Variants in PDE2A observed in about 807,000 individuals in gnomAD.
The protein encoded by PDE2A is phosphodiesterase 2A.
A neutral mutation model predicts 133.6 loss-of-function variants in PDE2A; 53 were observed. The ratio of observed to expected loss-of-function variants is 0.40; its 90% confidence interval spans 0.32 to 0.50. PDE2A has a LOEUF of 0.50. PDE2A is among the 20% of genes least tolerant of loss of function. The pLI is 0.73. For missense variants in PDE2A, 796 were observed against 1,232.4 expected, an observed-to-expected ratio of 0.65 and a Z score of 5.30; for synonymous variants, 491 against 490.2, an observed-to-expected ratio of 1.00 and a Z score of -0.02.
intron 2 of PDE2A, among the ~76,000 whole-genome samples, chr11:72,611,361 C>T (rs981185906): frequency 6.6e-6 from 1 of 152,142 alleles, no homozygotes; most frequent in Non-Finnish European, 1.5e-5. Context: ...TGTCTGGTTC[C>T]TGCTCAGCAC....
chr11:72,596,518 C>CACACACACA, intron 6 of PDE2A, 75 bp downstream of exon 6: 1 of 533,024 alleles, frequency 1.9e-6, no homozygotes, highest in Non-Finnish European at 3.0e-6. Context: ...ACACACACAC[C>CACACACACA]CTGGACAGGC....
At chr11:72,611,605 A>T (rs1857215418) in intron 2 of PDE2A, among the ~76,000 whole-genome samples, 1 of 152,142 alleles carries the variant, frequency 6.6e-6, no homozygotes, top group South Asian at 2.1e-4. Context: ...AGTTGGGGAG[A>T]GTTGGGGCAG....
At chr11:72,673,217 T>C (rs904562760) in intron 1 of PDE2A, among the ~76,000 whole-genome samples, 1 of 152,078 alleles carries the variant, frequency 6.6e-6, no homozygotes, top group African/African-American at 2.4e-5. Context: ...CTCAACCTAA[T>C]AGACACACCT....
At chr11:72,592,955 C>T (rs1329283131) in intron 6 of PDE2A, among the ~76,000 whole-genome samples, 3 of 152,094 alleles carry the variant, frequency 2.0e-5, no homozygotes, top group African/African-American at 7.3e-5. Flanking sequence ...TGGCATTTTA[C>T]TGTTAGCACA....
At chr11:72,582,833 CT>C (rs1855784223) in intron 20 of PDE2A, among the ~76,000 whole-genome samples, 1 of 152,142 alleles carries the variant, frequency 6.6e-6, no homozygotes, top group Non-Finnish European at 1.5e-5. Context: ...ATGACACCCC[CT>C]AACCATGGCA....
intron 1 of PDE2A, among the ~76,000 whole-genome samples, chr11:72,657,096 C>A (rs1195046579): frequency 6.6e-6 from 1 of 152,168 alleles, no homozygotes; most frequent in Non-Finnish European, 1.5e-5. Context: ...ACCTCCTCCC[C>A]ACTCATCAGG....
At chr11:72,586,009 C>T (rs1160954549) in intron 14 of PDE2A, 61 bp downstream of exon 14, 17 of 976,336 alleles carry the variant, frequency 1.7e-5, no homozygotes, top group Non-Finnish European at 2.3e-5. Flanking sequence ...TTCTGAATGG[C>T]TCTCGGGGCT....
In PDE2A at chr11:72,662,825, T is replaced by C. The variant is rs528130839; in HGVS notation, c.71+11312A>G. Among the ~76,000 whole-genome samples the C allele has an allele frequency of 2.0e-5, 3 of 152,264 alleles. No individual in the cohort carries two copies. The East Asian group carries it at 5.8e-4, about 29-fold the overall frequency. On this transcript the variant is annotated intron_variant, in intron 1 of 30. Transcript: ENST00000334456. The stretch of plus-strand genomic sequence containing the variant: ...CCCTACTTCACCCATCATTTGGAGC[T>C]TCCTAACCCCAAAGCTAACCATGGC...
chr11:72,582,360 C>G, intron 21 of PDE2A, 84 bp downstream of exon 21: 1 of 1,348,818 alleles, frequency 7.4e-7, no homozygotes, highest in Non-Finnish European at 1.0e-6. Flanking sequence ...TCTGTCTTCC[C>G]AGGAAGTTCT....
At chr11:72,662,036 A>G (rs1855080647) in intron 1 of PDE2A, among the ~76,000 whole-genome samples, 1 of 151,372 alleles carries the variant, frequency 6.6e-6, no homozygotes, top group African/African-American at 2.4e-5. Context: ...TCCTCTTTGT[A>G]TATTTATGTT....
At chr11:72,668,404 A>C in intron 1 of PDE2A, 1 of 718,530 alleles carries the variant, frequency 1.4e-6, no homozygotes. Flanking sequence ...GTGTGGAAAC[A>C]GTGCTCAGGA....
chr11:72,597,414 G>A lies in PDE2A; in HGVS notation c.433+96C>T. ...AGAGCAAGAGAAAGAAGGAGACAGA[G>A]ATGAAGAGGAATAGAAGACACACAT... is the stretch of plus-strand genomic sequence containing the variant. On this transcript the variant is annotated intron_variant, in intron 5 of 30. Transcript: ENST00000334456. The surrounding 1 kb of genome is among the most constrained non-coding windows in gnomAD (Gnocchi z 4.6). 1 of 686,988 alleles carries A rather than the reference G, an allele frequency of 1.5e-6. No homozygotes were observed. The allele number at this position is 686,988 out of a possible 1,614,324, so 42.6% of individuals were successfully genotyped here.
Position 72,591,288 on chromosome 11 carries a change from C to G in PDE2A, c.549+9G>C, listed in dbSNP as rs1856236817. 1 of 1,611,076 alleles carries G rather than the reference C, an allele frequency of 6.2e-7. No homozygotes were observed. Among genetic ancestry groups the G allele is most frequent in the Non-Finnish European group, 8.5e-7 (1 of 1,177,386 alleles). On this transcript the variant is annotated intron_variant, in intron 7 of 30. Transcript: ENST00000334456. ...CAGCCTCATTGCACATGGCCCCACTCCCACTCACATGCTTCTCCACCGCCT... is the reference window on the plus strand; with the variant it reads ...CAGCCTCATTGCACATGGCCCCACTGCCACTCACATGCTTCTCCACCGCCT...
In PDE2A at chr11:72,674,148, T is replaced by TCG; in HGVS notation, c.58_59dup (p.Pro21AspfsTer33). The TCG allele has an allele frequency of 6.2e-7, 1 of 1,613,266 alleles. No individual in the cohort carries two copies. The highest frequency in any genetic ancestry group is 8.5e-7 in the Non-Finnish European group (1 of 1,179,842). On this transcript the variant is annotated frameshift_variant, in exon 1 of 31. Coordinates refer to ENST00000334456, the MANE Select transcript of PDE2A (RefSeq NM_002599.5). LOFTEE classifies it high-confidence loss of function. The stretch of plus-strand genomic sequence containing the variant: ...CTCACTATACTCACGGCTCAGCCGG[T>TCG]CGCGCTGCCGGGTACTGCTGGCTCC...
intron 2 of PDE2A, among the ~76,000 whole-genome samples, chr11:72,632,180 G>A (rs903071350): frequency 2.0e-5 from 3 of 152,098 alleles, no homozygotes; most frequent in African/African-American, 4.8e-5. Context: ...CCCTCTTCTC[G>A]CCTGGGCACT....
Position 72,642,297 on chromosome 11 carries a change from T to C in PDE2A, c.101A>G (p.Asp34Gly). 1.3e-6 allele frequency: 2 copies of C among 1,526,902 alleles called. No individual in the cohort carries two copies. Among genetic ancestry groups the C allele is most frequent in the Non-Finnish European group, 8.8e-7 (1 of 1,139,650 alleles). 94.6% of individuals were successfully genotyped at this position (1,526,902 alleles called of 1,614,324 possible). Reference sequence around the variant, plus strand: ...TGGCTGCGGCGGCGGCGGCGGCTCGTCCGGCTTGAGGAAGACCTGCTGGCC... The same window carrying C: ...TGGCTGCGGCGGCGGCGGCGGCTCGCCCGGCTTGAGGAAGACCTGCTGGCC... ...PRGQQVFLKPDEPPPPPQPCA... is the reference protein window; with the variant it reads ...PRGQQVFLKPGEPPPPPQPCA... The change falls in exon 2 of 31, where the codon GAC becomes GGC. Residue 34 changes from aspartate (D) to glycine (G), a missense_variant. By Grantham distance (94) the Asp-to-Gly change is moderately conservative. Transcript: ENST00000334456.
At chr11:72,583,584 G>A (rs1002418607) in intron 19 of PDE2A, 69 bp from the exon 20 acceptor site, 35 of 1,017,758 alleles carry the variant, frequency 3.4e-5, no homozygotes, top group Non-Finnish European at 5.2e-5. Flanking sequence ...CCCAGGACTG[G>A]GATGAAGGGG....
intron 22 of PDE2A, 112 bp downstream of exon 22, chr11:72,581,764 TG>T (rs1855733930): frequency 9.8e-7 from 1 of 1,020,802 alleles, no homozygotes; most frequent in East Asian, 2.4e-5. Flanking sequence ...CCCATAAGAC[TG>T]GGTCTCCCCA....
At chr11:72,663,338 A>C (rs1855129065) in intron 1 of PDE2A, among the ~76,000 whole-genome samples, 2 of 152,222 alleles carry the variant, frequency 1.3e-5, no homozygotes, top group African/African-American at 4.8e-5. Context: ...TGCTGCCCAG[A>C]TACAGAGCGC....
Sources: allele counts gnomAD v4.1 joint callset (sites outside exome capture counted in the v4.1 genomes callset), GRCh38; gene constraint gnomAD v4.1.1; non-coding constraint Gnocchi (gnomAD v3.1); transcripts MANE v1.5; gene names NCBI Gene and HGNC (gene_info 2026-07-23, HGNC 2026-07-21).